EFHB: variants seen among roughly 807,000 people sequenced by gnomAD.
EFHB encodes EF-hand domain-containing family member B.
A neutral mutation model predicts 87.2 loss-of-function variants in EFHB; 91 were observed. That is an observed-to-expected ratio of 1.04 (90% confidence interval 0.88 to 1.24). The LOEUF is 1.24. Ranked by LOEUF, EFHB falls within the 50% of genes most tolerant of loss-of-function variation. The pLI is 0.00. For missense variants in EFHB, 1,084 were observed against 998.8 expected (o/e 1.09, Z -1.15); for synonymous variants, 325 against 333.6 (o/e 0.97, Z 0.28).
chr3:19,919,720 T>C (rs1695370711), intron 3 of EFHB, 113 bp downstream of exon 3: 1 of 1,118,966 alleles, frequency 8.9e-7, no homozygotes, highest in Non-Finnish European at 1.3e-6. Context: ...AAAAGCCTAG[T>C]AAAAATATGG....
intron 9 of EFHB, among the ~76,000 whole-genome samples, chr3:19,892,607 T>G (rs1362193339): frequency 6.6e-6 from 1 of 152,224 alleles, no homozygotes; most frequent in African/African-American, 2.4e-5. Context: ...TCAAATTTAA[T>G]TCTATTTCAG....
intron 9 of EFHB, among the ~76,000 whole-genome samples, chr3:19,893,290 A>G (rs1694366504): frequency 1.3e-5 from 2 of 152,180 alleles, no homozygotes; most frequent in Non-Finnish European, 2.9e-5. Flanking sequence ...GTCAGATATA[A>G]GAGGGACCAG....
Position 19,933,753 on chromosome 3 carries a change from A to G in EFHB, c.266T>C (p.Leu89Ser). The G allele has an allele frequency of 6.2e-7, 1 of 1,613,920 alleles. No homozygotes were observed. The highest frequency in any genetic ancestry group is 1.1e-5 in the South Asian group (1 of 91,082). ...TGAAGCTGAGACACTGTCGACTCCT[A>G]AACTACCCCTCTGCATGACAGTCCT... Reference protein sequence around the residue: ...ISRTVMQRGSLGVDSVSASQG... With the variant: ...ISRTVMQRGSSGVDSVSASQG... Residue 89 changes from leucine (L) to serine (S), a missense_variant, in exon 1 of 13, where the codon TTA (leucine) becomes TCA (serine). By Grantham distance (145) the Leu-to-Ser change is moderately radical. Transcript: ENST00000295824.
chr3:19,896,906 A>T, intron 8 of EFHB, 65 bp from the exon 9 acceptor site: 8 of 1,411,656 alleles, frequency 5.7e-6, no homozygotes, highest in South Asian at 4.4e-5. Flanking sequence ...TCTATCTTTT[A>T]AAAAAAGTGA....
chr3:19,903,768 A>G (rs1694749152), intron 6 of EFHB, among the ~76,000 whole-genome samples: 1 of 152,200 alleles, frequency 6.6e-6, no homozygotes, highest in African/African-American at 2.4e-5. Flanking sequence ...AAGCCCATAA[A>G]GAGGTGATCA....
intron 1 of EFHB, chr3:19,945,874 T>G (rs764286932): frequency 6.6e-6 from 1 of 152,206 alleles, no homozygotes; most frequent in Non-Finnish European, 1.5e-5. Context: ...CCCGGTACAC[T>G]TCAAAGACAA....
At chr3:19,937,218 A>G (rs1403772507), upstream of EFHB, among the ~76,000 whole-genome samples, 4 of 152,116 alleles carry the variant, frequency 2.6e-5, no homozygotes, top group Admixed American at 2.6e-4. Flanking sequence ...GGTTAATATA[A>G]ATATTCTTCT....
chr3:19,909,419 G>A (rs1694980332), intron 5 of EFHB, among the ~76,000 whole-genome samples: 1 of 152,136 alleles, frequency 6.6e-6, no homozygotes, highest in Non-Finnish European at 1.5e-5. Flanking sequence ...AAACTTGAGT[G>A]CCTGCAAACC....
intron 5 of EFHB, among the ~76,000 whole-genome samples, chr3:19,910,542 A>C (rs1695018163): frequency 6.6e-6 from 1 of 152,164 alleles, no homozygotes; most frequent in South Asian, 2.1e-4. Context: ...CCCTGAAGGG[A>C]AGGACACAGG....
At chr3:19,889,943 C>T (rs1470232373) in intron 9 of EFHB, among the ~76,000 whole-genome samples, 1 of 152,124 alleles carries the variant, frequency 6.6e-6, no homozygotes, top group African/African-American at 2.4e-5. Context: ...GCCGAGACTG[C>T]GCCATTGCAC....
intron 6 of EFHB, among the ~76,000 whole-genome samples, chr3:19,900,048 G>C (rs1014560063): frequency 6.6e-6 from 1 of 152,090 alleles, no homozygotes; most frequent in African/African-American, 2.4e-5. Flanking sequence ...ACTCCAGCCT[G>C]GGTGACAGAG....
chr3:19,882,432 C>T, intron 12 of EFHB, 118 bp downstream of exon 12: 1 of 947,240 alleles, frequency 1.1e-6, no homozygotes, highest in South Asian at 3.1e-5. Context: ...CATCAAGAAT[C>T]CTATACTTGG....
chr3:19,895,848 G>A lies in EFHB; in HGVS notation c.1725+839C>T, dbSNP rs1025922645. ...GGCATACTAACAAAAAATATGCCAC[G>A]TTTCAATGGCAGTTTCTTATAGTGC... On this transcript the variant is annotated intron_variant, in intron 9 of 12. Transcript: ENST00000295824. Among the ~76,000 whole-genome samples, 10 of 152,296 alleles carry A rather than the reference G, an allele frequency of 6.6e-5. No individual in the cohort carries two copies. The East Asian group carries it at 7.7e-4, about 12-fold the overall frequency.
At chr3:19,918,477 C>A in intron 3 of EFHB, 65 bp from the exon 4 acceptor site, 1 of 1,412,160 alleles carries the variant, frequency 7.1e-7, no homozygotes, top group South Asian at 1.5e-5. Flanking sequence ...AATAGAAACC[C>A]TAATCAATAG....
rs150671437 is a variant in EFHB at position 19,896,793 on chromosome 3, C to T, written c.1619G>A (p.Gly540Asp). Reference protein sequence around the residue: ...HNRLPDEYLRGKDRQRALIAA... With the variant: ...HNRLPDEYLRDKDRQRALIAA... ...AATCAGGGCTCGCTGTCTATCCTTGCCTCGAAGATATTCATCCGGAAGTCT... is the reference window on the plus strand; with the variant it reads ...AATCAGGGCTCGCTGTCTATCCTTGTCTCGAAGATATTCATCCGGAAGTCT... The change falls in exon 9 of 13, where the codon GGC (glycine) becomes GAC (aspartate). Residue 540 changes from glycine to aspartate, a missense_variant. Coordinates refer to ENST00000295824, the MANE Select transcript of EFHB (RefSeq NM_144715.4). The T allele has an allele frequency of 1.4e-3, 2,309 of 1,613,950 alleles. 9 individuals are homozygous for T. Among genetic ancestry groups the T allele is most frequent in the Non-Finnish European group, 1.6e-3 (1,876 of 1,179,886 alleles).
chr3:19,924,216 CTTT>C (rs1281280539), intron 1 of EFHB, among the ~76,000 whole-genome samples: 7 of 141,396 alleles, frequency 5.0e-5, no homozygotes, highest in Admixed American at 2.1e-4. Context: ...CTCTCTCTCT[CTTT>C]TTTTTTTTTT....
At chr3:19,920,037 T>A in intron 2 of EFHB, 61 bp from the exon 3 acceptor site, 1 of 1,567,382 alleles carries the variant, frequency 6.4e-7, no homozygotes, top group Non-Finnish European at 8.7e-7. Context: ...TTAACAGGAC[T>A]GATCTATACC....
At position 19,918,446 on chromosome 3, in the gene EFHB, CA is replaced by C. The variant is rs775486971; in HGVS notation, c.997-35del. The C allele has an allele frequency of 3.3e-5, 50 of 1,516,580 alleles. No homozygotes were observed. The East Asian group carries it at 7.7e-4, about 23-fold the overall frequency. The allele number at this position is 1,516,580 out of a possible 1,614,324, so 93.9% of individuals were successfully genotyped here. A position where few individuals can be genotyped will look rare whatever the true frequency, so the allele number is the denominator to read the frequency against. On this transcript the variant is annotated intron_variant, in intron 3 of 12. Transcript: ENST00000295824. Reference sequence around the variant, plus strand: ...ATCATACAATGCACAAATATATCAACAAAAAAAGTATAAATCTGAAAATAGA... The same window carrying C: ...ATCATACAATGCACAAATATATCAACAAAAAAGTATAAATCTGAAAATAGA...
At chr3:19,922,057 C>T (rs1022993308) in intron 1 of EFHB, among the ~76,000 whole-genome samples, 2 of 151,914 alleles carry the variant, frequency 1.3e-5, no homozygotes, top group African/African-American at 2.4e-5. Context: ...CCCAGCTACT[C>T]GGGAAGCTGA....
Sources: allele counts gnomAD v4.1 joint callset (sites outside exome capture counted in the v4.1 genomes callset), GRCh38; gene constraint gnomAD v4.1.1; transcripts MANE v1.5; gene names NCBI Gene and HGNC (gene_info 2026-07-23, HGNC 2026-07-21).